Variants in SPATA16 observed in about 807,000 individuals in gnomAD.
SPATA16 encodes the protein spermatogenesis-associated protein 16.
In SPATA16, 36 loss-of-function variants were observed where a neutral mutation model predicts 63.3. The observed-to-expected ratio is 0.57, with a 90% CI of 0.44 to 0.75. SPATA16 has a LOEUF of 0.75. Ranked by LOEUF, SPATA16 falls within the 30% of genes least tolerant of loss-of-function variation. The pLI, the probability that SPATA16 is intolerant of heterozygous loss-of-function variation, is 0.00. For synonymous variants in SPATA16, 203 were observed against 216.7 expected (o/e 0.94, Z 0.56); for missense variants, 646 against 679.3 (o/e 0.95, Z 0.54).
At chr3:172,971,347 A>G (rs1174458212) in intron 5 of SPATA16, among the ~76,000 whole-genome samples, 1 of 152,228 alleles carries the variant, frequency 6.6e-6, no homozygotes, top group African/African-American at 2.4e-5. Context: ...AACTATGCCA[A>G]AATATTCTCA....
In SPATA16 at chr3:172,889,431, T is replaced by C. The variant is rs1291428005; in HGVS notation, c.*139A>G. The stretch of plus-strand genomic sequence containing the variant: ...AAACATAGAGTGTCTTTGGTAAAGA[T>C]GAACTGAGGGGAATACCACCTCTTT... On this transcript the variant is annotated 3_prime_UTR_variant, in exon 11 of 11. Transcript: ENST00000351008. The C allele has an allele frequency of 4.2e-6, 5 of 1,188,080 alleles. No individual in the cohort carries two copies. The African/African-American group carries it at 6.1e-5, about 14-fold the overall frequency. 73.6% of individuals were successfully genotyped at this position (1,188,080 alleles called of 1,614,324 possible). A position where few individuals can be genotyped will look rare whatever the true frequency, so the allele number is the denominator to read the frequency against.
At chr3:173,003,909 ATAT>A (rs947227510) in intron 4 of SPATA16, among the ~76,000 whole-genome samples, 8 of 152,296 alleles carry the variant, frequency 5.3e-5, no homozygotes, top group Middle Eastern at 3.4e-3. Flanking sequence ...ATCTCTAGAT[ATAT>A]TATTATCTCC....
At chr3:173,124,938 A>C (rs1464087362) in intron 1 of SPATA16, among the ~76,000 whole-genome samples, 1 of 151,906 alleles carries the variant, frequency 6.6e-6, no homozygotes, top group East Asian at 1.9e-4. Context: ...ATACCTAACT[A>C]CCCGTGTTAC....
At chr3:172,898,505 T>C (rs1732055561) in intron 10 of SPATA16, among the ~76,000 whole-genome samples, 1 of 152,034 alleles carries the variant, frequency 6.6e-6, no homozygotes, top group Admixed American at 6.5e-5. Context: ...ATATGTAGAA[T>C]TGTTCTAAGA....
At chr3:173,023,512 A>C (rs1386056085) in intron 3 of SPATA16, among the ~76,000 whole-genome samples, 1 of 151,874 alleles carries the variant, frequency 6.6e-6, no homozygotes, top group East Asian at 1.9e-4. Context: ...TTCCTGTTGA[A>C]CTTTATCATT....
chr3:173,019,131 T>A (rs1248870755), intron 4 of SPATA16, among the ~76,000 whole-genome samples: 5 of 152,200 alleles, frequency 3.3e-5, no homozygotes, highest in South Asian at 2.1e-4. Context: ...GTGATTGGAT[T>A]TCCTCTCCAG....
At chr3:173,028,849 C>T (rs1363630999) in intron 3 of SPATA16, among the ~76,000 whole-genome samples, 1 of 151,984 alleles carries the variant, frequency 6.6e-6, no homozygotes, top group Non-Finnish European at 1.5e-5. Flanking sequence ...CTGTGAAGAT[C>T]ATCACCATAT....
At chr3:172,925,797 T>G (rs1171387468) in intron 6 of SPATA16, among the ~76,000 whole-genome samples, 1 of 152,122 alleles carries the variant, frequency 6.6e-6, no homozygotes, top group African/African-American at 2.4e-5. Flanking sequence ...GGCTTATTAT[T>G]TTTTGCTTTG....
chr3:173,020,061 C>T (rs1367676215), intron 3 of SPATA16, among the ~76,000 whole-genome samples: 1 of 151,112 alleles, frequency 6.6e-6, no homozygotes. Context: ...TTTGGGAGGC[C>T]GAAGTGGGTA....
chr3:172,901,568 C>A (rs1041090645), intron 10 of SPATA16, among the ~76,000 whole-genome samples: 1 of 152,170 alleles, frequency 6.6e-6, no homozygotes, highest in African/African-American at 2.4e-5. Context: ...TTTCTTCATT[C>A]AGTTTGAGAT....
intron 2 of SPATA16, among the ~76,000 whole-genome samples, chr3:173,095,426 T>C (rs1737328954): frequency 6.6e-6 from 1 of 152,130 alleles, no homozygotes; most frequent in South Asian, 2.1e-4. Flanking sequence ...CTCTTAGAGG[T>C]GAAGAATAAA....
At chr3:173,132,401 A>G (rs1444327496) in intron 1 of SPATA16, among the ~76,000 whole-genome samples, 1 of 152,208 alleles carries the variant, frequency 6.6e-6, no homozygotes, top group Non-Finnish European at 1.5e-5. Context: ...CAAAAGCAAA[A>G]GAGAATTCCA....
intron 1 of SPATA16, among the ~76,000 whole-genome samples, chr3:173,123,685 A>G (rs747370216): frequency 1.3e-5 from 2 of 150,634 alleles, no homozygotes; most frequent in Non-Finnish European, 3.0e-5. Context: ...CTCACTGCAA[A>G]CTCCGCCTCC....
intron 2 of SPATA16, among the ~76,000 whole-genome samples, chr3:173,062,100 C>T (rs1240971477): frequency 2.1e-5 from 3 of 141,256 alleles, no homozygotes; most frequent in Admixed American, 7.2e-5. Flanking sequence ...GTGTGGCCAC[C>T]GTGGGTTCAT....
At chr3:172,952,300 A>G (rs1259880058) in intron 6 of SPATA16, among the ~76,000 whole-genome samples, 2 of 152,220 alleles carry the variant, frequency 1.3e-5, no homozygotes, top group Non-Finnish European at 2.9e-5. Context: ...AGGACAGAAA[A>G]ATATGTTAAA....
In SPATA16 at chr3:173,123,695, C is replaced by G. The variant is rs147637709; in HGVS notation, c.-18-5946G>C. 1.1e-4 allele frequency among the ~76,000 whole-genome samples: 17 copies of G among 151,672 alleles called. No homozygotes were observed. The East Asian group carries it at 3.3e-3, about 29-fold the overall frequency. Reference sequence around the variant, plus strand: ...CTCAGCTCACTGCAAACTCCGCCTCCCAGGTTCAAGTGATTCTCCTGCCTC... The same window carrying G: ...CTCAGCTCACTGCAAACTCCGCCTCGCAGGTTCAAGTGATTCTCCTGCCTC... On this transcript the variant is annotated intron_variant, in intron 1 of 10. Transcript: ENST00000351008.
At chr3:173,139,868 C>T (rs1738660023) in intron 1 of SPATA16, among the ~76,000 whole-genome samples, 1 of 152,118 alleles carries the variant, frequency 6.6e-6, no homozygotes, top group Admixed American at 6.5e-5. Context: ...GCTTGTAATC[C>T]CAGCTACTCA....
intron 1 of SPATA16, among the ~76,000 whole-genome samples, chr3:173,140,334 T>C (rs951747996): frequency 1.1e-4 from 17 of 151,922 alleles, no homozygotes; most frequent in Admixed American, 1.1e-3. Flanking sequence ...ACTTTACTGA[T>C]ATCTATTAAT....
chr3:173,114,576 C>G (rs1282178046), intron 2 of SPATA16, among the ~76,000 whole-genome samples: 1 of 152,172 alleles, frequency 6.6e-6, no homozygotes, highest in Non-Finnish European at 1.5e-5. Context: ...ACCATATCAG[C>G]CCTTGACTAC....
Sources: allele counts gnomAD v4.1 joint callset (sites outside exome capture counted in the v4.1 genomes callset), GRCh38; gene constraint gnomAD v4.1.1; transcripts MANE v1.5; gene names NCBI Gene and HGNC (gene_info 2026-07-23, HGNC 2026-07-21).